The following AKNAD1 variants were observed in gnomAD, a reference collection of about 807,000 sequenced individuals.
AKNAD1 encodes AKNA domain containing 1, also known as protein AKNAD1.
A neutral mutation model predicts 90.8 loss-of-function variants in AKNAD1; 67 were observed. That is an observed-to-expected ratio of 0.74 (90% CI 0.61 to 0.90). The LOEUF (loss-of-function observed/expected upper bound fraction) is 0.90. Among genes scored for constraint, AKNAD1 ranks in the 40% least tolerant of loss-of-function variants. The probability of loss-of-function intolerance (pLI) is 0.00; values close to 1 mark genes in which losing one functional copy is unlikely to be tolerated. For synonymous variants in AKNAD1, 327 were observed against 341.4 expected (o/e 0.96, Z 0.46); for missense variants, 957 against 975.4 (o/e 0.98, Z 0.25).
chr1:108,829,938 T>C (rs893595453), intron 10 of AKNAD1, among the ~76,000 whole-genome samples: 3 of 152,064 alleles, frequency 2.0e-5, no homozygotes, highest in African/African-American at 7.2e-5. Flanking sequence ...CCAATGGGTG[T>C]TTCAAAAACA....
rs1166701191 is a variant in AKNAD1, at chr1:108,852,516, A to G, written c.149T>C (p.Ile50Thr). 9 of 1,614,056 alleles carry G rather than the reference A, an allele frequency of 5.6e-6. No individual in the cohort carries two copies. The highest frequency in any genetic ancestry group is 6.8e-6 in the Non-Finnish European group (8 of 1,180,030). ...GLEVLNQIIFIADDPQEKAMH... is the reference protein window; with the variant it reads ...GLEVLNQIIFTADDPQEKAMH... Reference sequence around the variant, plus strand: ...AGCCTTCTCTTGAGGGTCATCTGCTATGAAAATAATTTGATTTAAGACTTC... The same window carrying G: ...AGCCTTCTCTTGAGGGTCATCTGCTGTGAAAATAATTTGATTTAAGACTTC... The change falls in exon 2 of 16, where the codon ATA becomes ACA. Residue 50 changes from isoleucine (I) to threonine (T), a missense_variant. Physicochemically the swap from Ile to Thr is moderately conservative, Grantham distance 89. Transcript: ENST00000370001.
intron 5 of AKNAD1, among the ~76,000 whole-genome samples, chr1:108,844,235 T>C (rs1263358411): frequency 6.6e-6 from 1 of 152,080 alleles, no homozygotes; most frequent in Non-Finnish European, 1.5e-5. Flanking sequence ...TGGTGGTGCG[T>C]GCCTGTAATC....
intron 15 of AKNAD1, 111 bp downstream of exon 15, chr1:108,816,937 G>A: frequency 1.5e-6 from 2 of 1,320,334 alleles, no homozygotes; most frequent in Non-Finnish European, 2.1e-6. Context: ...CTTTAGCAGA[G>A]CATTTTCTGA....
chr1:108,830,868 C>T (rs892580823), intron 9 of AKNAD1: 4 of 591,282 alleles, frequency 6.8e-6, no homozygotes, highest in South Asian at 5.9e-5. Flanking sequence ...GTCACTCAGT[C>T]GGGGCTGCGC....
chr1:108,816,736 G>T (rs1373589755), intron 15 of AKNAD1: 2 of 307,400 alleles, frequency 6.5e-6, no homozygotes, highest in African/African-American at 4.3e-5. Flanking sequence ...GAAACTGTTG[G>T]CAACTCTGAT....
At chr1:108,823,320 G>A (rs755409686) in intron 13 of AKNAD1, 50 bp downstream of exon 13, 1 of 1,378,848 alleles carries the variant, frequency 7.3e-7, no homozygotes, top group Non-Finnish European at 1.0e-6. Context: ...TCCCATACCT[G>A]GGACATTAGG....
intron 14 of AKNAD1, chr1:108,817,441 C>A: frequency 4.3e-6 from 1 of 231,570 alleles, no homozygotes; most frequent in Non-Finnish European, 8.2e-6. Context: ...AGACTCTAAA[C>A]ACATTTTTTA....
chr1:108,853,451 A>G (rs1011778945), intron 1 of AKNAD1, among the ~76,000 whole-genome samples: 4 of 150,938 alleles, frequency 2.7e-5, no homozygotes, highest in Non-Finnish European at 5.9e-5. Flanking sequence ...TTTAACTACC[A>G]GAGCCACGCC....
intron 1 of AKNAD1, among the ~76,000 whole-genome samples, chr1:108,853,187 G>A (rs1210384172): frequency 1.0e-3 from 146 of 146,158 alleles, no homozygotes; most frequent in African/African-American, 3.3e-3. Context: ...GCTGGAGTGC[G>A]GTGACACAAT....
chr1:108,832,336 C>A (rs550797793), intron 9 of AKNAD1, among the ~76,000 whole-genome samples: 12 of 151,368 alleles, frequency 7.9e-5, no homozygotes, highest in African/African-American at 2.2e-4. Context: ...TCTCCCACCT[C>A]AGCCTCCCTT....
Position 108,816,108 on chromosome 1 carries a change from T to A in AKNAD1, c.*63A>T. On this transcript the variant is annotated 3_prime_UTR_variant, in exon 16 of 16. Coordinates refer to ENST00000370001, the MANE Select transcript of AKNAD1 (RefSeq NM_152763.5). The stretch of plus-strand genomic sequence containing the variant: ...ATTGTGTAGTAAGTAAAATACATTT[T>A]GGGGGAAGATCAAGTTTTCTTTGCA... 6.7e-7 allele frequency: 1 copy of A among 1,482,880 alleles called. No individual in the cohort carries two copies. Among genetic ancestry groups the A allele is most frequent in the Non-Finnish European group, 8.9e-7 (1 of 1,117,570 alleles). The allele number at this position is 1,482,880 out of a possible 1,614,324, so 91.9% of individuals were successfully genotyped here. A position where few individuals can be genotyped will look rare whatever the true frequency, so the allele number is the denominator to read the frequency against.
chr1:108,852,143 C>T lies in AKNAD1; in HGVS notation c.522G>A (p.Pro174=), dbSNP rs537008332. The T allele has an allele frequency of 7.1e-5, 114 of 1,614,074 alleles. 1 individual carries two copies. The Middle Eastern group carries it at 8.2e-4, about 12-fold the overall frequency. The change falls in exon 2 of 16, where the codon CCG becomes CCA. Residue 174 remains proline, a synonymous_variant. Coordinates refer to ENST00000370001, the MANE Select transcript of AKNAD1 (RefSeq NM_152763.5). The part of the protein sequence containing the change: ...QTPELTDQLN[P]KRDGENSNKP... ...TATTGCTGTTTTCACCATCCCTTTT[C>T]GGGTTGAGTTGGTCAGTGAGTTCTG...
At chr1:108,844,738 C>T (rs1664653578) in intron 5 of AKNAD1, among the ~76,000 whole-genome samples, 1 of 152,090 alleles carries the variant, frequency 6.6e-6, no homozygotes, top group African/African-American at 2.4e-5. Context: ...AGGTAATACT[C>T]CTTGCCTCAT....
At chr1:108,854,535 A>G (rs1032003782) in intron 1 of AKNAD1, among the ~76,000 whole-genome samples, 1 of 152,232 alleles carries the variant, frequency 6.6e-6, no homozygotes, top group African/African-American at 2.4e-5. Flanking sequence ...TACAAACTAA[A>G]TGTGGTAAAA....
At chr1:108,834,377 G>T in intron 9 of AKNAD1, 70 bp downstream of exon 9, 1 of 1,305,750 alleles carries the variant, frequency 7.7e-7, no homozygotes, top group Non-Finnish European at 1.1e-6. Flanking sequence ...GTCACATTCA[G>T]CAACACTGGT....
intron 9 of AKNAD1, 70 bp from the exon 10 acceptor site, chr1:108,830,720 G>A: frequency 6.8e-7 from 1 of 1,477,164 alleles, no homozygotes; most frequent in Non-Finnish European, 9.4e-7. Context: ...CACACGCACA[G>A]CCCAGCAAGC....
At chr1:108,818,831 C>T (rs1351321115) in intron 14 of AKNAD1, among the ~76,000 whole-genome samples, 1 of 151,932 alleles carries the variant, frequency 6.6e-6, no homozygotes, top group South Asian at 2.1e-4. Flanking sequence ...GGCATGGTGG[C>T]GGGTGCCTAT....
rs1399357055 is a variant in AKNAD1, at chr1:108,852,112, C to T, written c.553G>A (p.Gly185Ser). The change falls in exon 2 of 16, where the codon GGT (glycine) becomes AGT (serine). Residue 185 changes from glycine (G) to serine (S), a missense_variant. By Grantham distance (56) the Gly-to-Ser change is moderately conservative (BLOSUM62 0). Transcript: ENST00000370001. ...TTTTCCTCTGTCGTGGTGGCAGAACCAGGCTTATTGCTGTTTTCACCATCC... is the reference window on the plus strand; with the variant it reads ...TTTTCCTCTGTCGTGGTGGCAGAACTAGGCTTATTGCTGTTTTCACCATCC... ...KRDGENSNKP[G>S]SATTTEENTS... 1.9e-6 allele frequency: 3 copies of T among 1,614,016 alleles called. No individual in the cohort carries two copies. Among genetic ancestry groups the T allele is most frequent in the African/African-American group, 1.3e-5 (1 of 74,902 alleles).
At chr1:108,823,749 G>T (rs1044912077) in intron 11 of AKNAD1, 61 bp from the exon 12 acceptor site, 1 of 1,609,360 alleles carries the variant, frequency 6.2e-7, no homozygotes, top group East Asian at 2.2e-5. Flanking sequence ...CATAAAATAC[G>T]GTGTGGAGAG....
Sources: gnomAD v4.1 joint callset for allele counts (sites outside exome capture counted in the v4.1 genomes callset) on GRCh38, gnomAD v4.1.1 for gene constraint, MANE v1.5 for transcripts, NCBI Gene and HGNC (gene_info 2026-07-23, HGNC 2026-07-21) for gene names.